The following SH3RF3 variants were observed in gnomAD, a reference collection of about 807,000 sequenced individuals.
The protein encoded by SH3RF3 is SH3 domain containing ring finger 3, also known as E3 ubiquitin-protein ligase SH3RF3.
Under a neutral mutation model 66.3 loss-of-function variants are expected in SH3RF3, and 29 were observed. That is an observed-to-expected ratio of 0.44 (90% CI 0.33 to 0.60). SH3RF3 has a LOEUF of 0.60. Ranked by LOEUF, SH3RF3 falls within the 20% of genes least tolerant of loss-of-function variation. SH3RF3 has a pLI of 0.04. For missense variants in SH3RF3, 1,194 were observed against 1,190.9 expected (o/e 1.00, Z -0.04); for synonymous variants, 583 against 532.0 (o/e 1.10, Z -1.32).
chr2:109,296,883 T>C (rs112605412), intron 1 of SH3RF3, among the ~76,000 whole-genome samples: 3 of 152,156 alleles, frequency 2.0e-5, no homozygotes, highest in African/African-American at 7.2e-5. Context: ...CATTGCCAGA[T>C]GTTATTTTGA....
intron 2 of SH3RF3, among the ~76,000 whole-genome samples, chr2:109,367,728 T>C (rs1683178011): frequency 6.6e-6 from 1 of 152,234 alleles, no homozygotes; most frequent in South Asian, 2.1e-4. Context: ...TTGTCTCTAG[T>C]TTTTCTCTAG....
intron 1 of SH3RF3, among the ~76,000 whole-genome samples, chr2:109,150,417 A>G (rs1677201228): frequency 6.6e-6 from 1 of 152,170 alleles, no homozygotes; most frequent in Non-Finnish European, 1.5e-5. Flanking sequence ...TTTATTTATG[A>G]GCCTGGAACT....
chr2:109,476,816 A>G (rs1678695986), intron 8 of SH3RF3, among the ~76,000 whole-genome samples: 1 of 152,310 alleles, frequency 6.6e-6, no homozygotes, highest in Middle Eastern at 3.4e-3. Context: ...GATAAGCTAA[A>G]CAAGGGGTGG....
chr2:109,161,574 A>G (rs1037694548), intron 1 of SH3RF3, among the ~76,000 whole-genome samples: 17 of 151,670 alleles, frequency 1.1e-4, no homozygotes, highest in Non-Finnish European at 2.1e-4. Flanking sequence ...GTTAATAAAG[A>G]AAAAAAAGGT....
intron 2 of SH3RF3, among the ~76,000 whole-genome samples, chr2:109,367,733 C>G (rs900777943): frequency 2.4e-4 from 36 of 151,918 alleles, no homozygotes; most frequent in African/African-American, 8.2e-4. Flanking sequence ...TCTAGTTTTT[C>G]TCTAGTTTAA....
chr2:109,433,938 G>GC (rs915053321), intron 6 of SH3RF3, among the ~76,000 whole-genome samples: 1 of 152,228 alleles, frequency 6.6e-6, no homozygotes, highest in Non-Finnish European at 1.5e-5. Flanking sequence ...AGGGTGAGCT[G>GC]CCCACAGCCT....
chr2:109,189,557 C>G (rs114676487), intron 1 of SH3RF3, among the ~76,000 whole-genome samples: 1 of 151,710 alleles, frequency 6.6e-6, no homozygotes, highest in African/African-American at 2.4e-5. Context: ...TTAGTAGAAG[C>G]GGGGTTTCAC....
At chr2:109,164,153 ACT>A (rs1483729887) in intron 1 of SH3RF3, among the ~76,000 whole-genome samples, 2 of 150,712 alleles carry the variant, frequency 1.3e-5, no homozygotes, top group East Asian at 3.9e-4. Context: ...GTCCAGGAAA[ACT>A]CTGATGCCTC....
chr2:109,265,737 T>TA (rs1003659972), intron 1 of SH3RF3, among the ~76,000 whole-genome samples: 4 of 152,226 alleles, frequency 2.6e-5, no homozygotes, highest in Non-Finnish European at 5.9e-5. Flanking sequence ...GCAGGGTTTT[T>TA]ATCAATAAAA....
At chr2:109,328,943 GGTC>G (rs1454444201) in intron 1 of SH3RF3, among the ~76,000 whole-genome samples, 3 of 152,152 alleles carry the variant, frequency 2.0e-5, no homozygotes, top group Non-Finnish European at 2.9e-5. Context: ...TTAACGGGGT[GGTC>G]ATGACAAGCT....
At chr2:109,236,675 A>G (rs913784284) in intron 1 of SH3RF3, among the ~76,000 whole-genome samples, 3 of 152,232 alleles carry the variant, frequency 2.0e-5, no homozygotes, top group African/African-American at 7.2e-5. Context: ...CCTAAAGGTC[A>G]AGGTCGAAGA....
At position 109,211,281 on chromosome 2, in the gene SH3RF3, C is replaced by T. The variant is rs1200507386; in HGVS notation, c.573+81168C>T. 1.4e-4 allele frequency among the ~76,000 whole-genome samples: 21 copies of T among 152,156 alleles called. 1 individual carries two copies. Among genetic ancestry groups the T allele is most frequent in the Admixed American group, 1.4e-3 (21 of 15,274 alleles). On this transcript the variant is annotated intron_variant, in intron 1 of 9. Coordinates refer to ENST00000309415, the MANE Select transcript of SH3RF3 (RefSeq NM_001099289.3). ...TGGTGAGGGGATGTCCTGCCATTTG[C>T]AGCAAGGCATTGGTTACAAGCCTGG...
chr2:109,250,243 G>C (rs1418891811), intron 1 of SH3RF3, among the ~76,000 whole-genome samples: 1 of 152,104 alleles, frequency 6.6e-6, no homozygotes, highest in Non-Finnish European at 1.5e-5. Context: ...ACTGAACCAA[G>C]TTACGAGAAT....
At chr2:109,271,434 G>T (rs529026206) in intron 1 of SH3RF3, among the ~76,000 whole-genome samples, 66 of 152,340 alleles carry the variant, frequency 4.3e-4, no homozygotes, top group Admixed American at 1.9e-3. Flanking sequence ...TGGAGTAAGA[G>T]TTTTTCAACA....
Position 109,347,902 on chromosome 2 carries a change from G to C in SH3RF3, c.802G>C (p.Glu268Gln). 6.2e-7 allele frequency: 1 copy of C among 1,610,896 alleles called. No individual in the cohort carries two copies. Among genetic ancestry groups the C allele is most frequent in the Non-Finnish European group, 8.5e-7 (1 of 1,178,624 alleles). ...CCAGGGAAAAGCACTTTATGATTTC[G>C]AGATGAAGGACAAAGACCAAGACAA... ...PPQGKALYDF[E>Q]MKDKDQDKDC... The change falls in exon 2 of 10, where the codon GAG becomes CAG. Residue 268 changes from glutamate (E) to glutamine (Q), a missense_variant. Physicochemically the swap from Glu to Gln is conservative, Grantham distance 29. Coordinates refer to ENST00000309415, the MANE Select transcript of SH3RF3 (RefSeq NM_001099289.3).
Position 109,436,958 on chromosome 2 carries a change from G to T in SH3RF3, c.1640G>T (p.Gly547Val), listed in dbSNP as rs375907417. 1.2e-6 allele frequency: 2 copies of T among 1,613,746 alleles called. No homozygotes were observed. The highest frequency in any genetic ancestry group is 1.7e-6 in the Non-Finnish European group (2 of 1,179,900). Residue 547 changes from glycine to valine, a missense_variant, in exon 7 of 10, where the codon GGG becomes GTG. Physicochemically the swap from Gly to Val is moderately radical, Grantham distance 109 (BLOSUM62 -3). Coordinates refer to ENST00000309415, the MANE Select transcript of SH3RF3 (RefSeq NM_001099289.3). ...GTCGGAGGGTCTCCACTGGCCAAAG[G>T]GATAACCACAACCATGCACCCAGGC... Reference protein sequence around the residue: ...NVVGGSPLAKGITTTMHPGSG... With the variant: ...NVVGGSPLAKVITTTMHPGSG...
intron 1 of SH3RF3, among the ~76,000 whole-genome samples, chr2:109,226,746 A>T (rs1679383393): frequency 6.6e-6 from 1 of 152,182 alleles, no homozygotes; most frequent in South Asian, 2.1e-4. Flanking sequence ...CTGGATCTTT[A>T]GGGGACATTC....
intron 3 of SH3RF3, among the ~76,000 whole-genome samples, chr2:109,374,762 C>A (rs1042381753): frequency 7.2e-5 from 11 of 152,232 alleles, no homozygotes; most frequent in Non-Finnish European, 1.0e-4. Context: ...TCTGCAGGCA[C>A]CTGGCAGGGT....
chr2:109,259,237 T>C (rs933302425), intron 1 of SH3RF3, among the ~76,000 whole-genome samples: 1 of 152,232 alleles, frequency 6.6e-6, no homozygotes, highest in Admixed American at 6.5e-5. Context: ...AAGGGTGTCC[T>C]GGCCCTGAGG....
Sources: allele counts gnomAD v4.1 joint callset (sites outside exome capture counted in the v4.1 genomes callset), GRCh38; gene constraint gnomAD v4.1.1; transcripts MANE v1.5; gene names NCBI Gene and HGNC (gene_info 2026-07-23, HGNC 2026-07-21).